IGSF11: variants seen among roughly 807,000 people sequenced by gnomAD.
IGSF11 encodes the protein CXADR like 1.
IGSF11 carries 22 observed loss-of-function variants against 41.0 expected under a neutral mutation model. That is an observed-to-expected ratio of 0.54 (90% CI 0.38 to 0.77). The LOEUF is 0.77. Among genes scored for constraint, IGSF11 ranks in the 30% least tolerant of loss-of-function variants. The probability of loss-of-function intolerance (pLI) is 0.00; values close to 1 mark genes in which losing one functional copy is unlikely to be tolerated. For missense variants in IGSF11, 444 were observed against 530.8 expected, an observed-to-expected ratio of 0.84 and a Z score of 1.61; for synonymous variants, 219 against 201.3, an observed-to-expected ratio of 1.09 and a Z score of -0.74.
intron 1 of IGSF11, among the ~76,000 whole-genome samples, chr3:118,952,525 C>CT (rs1944650302): frequency 6.6e-6 from 1 of 152,120 alleles, no homozygotes; most frequent in Non-Finnish European, 1.5e-5. Context: ...AAACCATTTT[C>CT]TTTGCTCATC....
intron 1 of IGSF11, among the ~76,000 whole-genome samples, chr3:118,970,539 C>T (rs1933269436): frequency 2.0e-5 from 3 of 151,928 alleles, no homozygotes; most frequent in African/African-American, 7.3e-5. Context: ...TATCAGAATC[C>T]TGGCATTATC....
chr3:119,030,712 G>A (rs1011459006), intron 1 of IGSF11, among the ~76,000 whole-genome samples: 3 of 152,148 alleles, frequency 2.0e-5, no homozygotes, highest in Admixed American at 6.5e-5. Context: ...ACAAAGTATG[G>A]TCAAGAGAAG....
chr3:118,963,791 G>T (rs1009358020), intron 1 of IGSF11, among the ~76,000 whole-genome samples: 4 of 152,062 alleles, frequency 2.6e-5, no homozygotes, highest in African/African-American at 9.7e-5. Flanking sequence ...GAGAGACAGA[G>T]AATCAATGTT....
In IGSF11 at chr3:118,900,821, A is replaced by C. The variant is rs1938761268; in HGVS notation, c.*1699T>G. On this transcript the variant is annotated 3_prime_UTR_variant, in exon 7 of 7. Coordinates refer to ENST00000393775, the MANE Select transcript of IGSF11 (RefSeq NM_001015887.3). ...AAGTAAGAACCATCAAATGGAAAAA[A>C]AAATAAGTAATGCTAAAGTAAATTC... The C allele has an allele frequency of 6.6e-6, 1 of 152,636 alleles. No homozygotes were observed. Among genetic ancestry groups the C allele is most frequent in the Admixed American group, 6.5e-5 (1 of 15,270 alleles). 9.5% of individuals were successfully genotyped at this position (152,636 alleles called of 1,614,324 possible).
intron 1 of IGSF11, among the ~76,000 whole-genome samples, chr3:119,015,441 T>G (rs577420812): frequency 2.0e-5 from 3 of 152,280 alleles, no homozygotes; most frequent in Admixed American, 2.0e-4. Flanking sequence ...GGACACGAAC[T>G]AAACTGAAAG....
chr3:119,104,456 A>T (rs1489757808), intron 1 of IGSF11, among the ~76,000 whole-genome samples: 1 of 152,122 alleles, frequency 6.6e-6, no homozygotes, highest in Non-Finnish European at 1.5e-5. Context: ...TCACTTCTTA[A>T]ATCTTAATAA....
At chr3:119,049,341 C>T (rs936952210) in intron 1 of IGSF11, among the ~76,000 whole-genome samples, 39 of 151,966 alleles carry the variant, frequency 2.6e-4, no homozygotes, top group Non-Finnish European at 5.0e-4. Flanking sequence ...ACAAGCATTC[C>T]TATACACCAA....
At chr3:118,965,852 A>C (rs1370334834) in intron 1 of IGSF11, among the ~76,000 whole-genome samples, 1 of 152,190 alleles carries the variant, frequency 6.6e-6, no homozygotes, top group African/African-American at 2.4e-5. Flanking sequence ...ATAGTAATAA[A>C]ATGTCATTTT....
chr3:118,936,693 A>G (rs1943309789), intron 1 of IGSF11, among the ~76,000 whole-genome samples: 1 of 152,174 alleles, frequency 6.6e-6, no homozygotes, highest in Non-Finnish European at 1.5e-5. Flanking sequence ...GTGCATGGTC[A>G]TATTTCCTCT....
At position 118,929,883 on chromosome 3, in the gene IGSF11, A is replaced by G. The variant is rs1392114942; in HGVS notation, c.216+229T>C. On this transcript the variant is annotated intron_variant, in intron 2 of 6. Transcript: ENST00000393775. ...GTTGTTGATAAAATTACAGGTTCCTACATAAACCTCTCAGAAGGATATTCT... is the reference window on the plus strand; with the variant it reads ...GTTGTTGATAAAATTACAGGTTCCTGCATAAACCTCTCAGAAGGATATTCT... Among the ~76,000 whole-genome samples the G allele has an allele frequency of 3.3e-5, 5 of 152,324 alleles. No homozygotes were observed. In the East Asian group the frequency reaches 7.7e-4, roughly 23 times the overall value.
At chr3:119,076,798 T>G (rs1395371943) in intron 1 of IGSF11, among the ~76,000 whole-genome samples, 1 of 69,144 alleles carries the variant, frequency 1.4e-5, no homozygotes. Flanking sequence ...ATAGGAACAC[T>G]TTTTTTTTTT....
intron 1 of IGSF11, among the ~76,000 whole-genome samples, chr3:119,044,698 T>C (rs1467038381): frequency 6.6e-6 from 1 of 152,198 alleles, no homozygotes; most frequent in Non-Finnish European, 1.5e-5. Context: ...GGAAAAGCTA[T>C]CAGACTAACA....
In IGSF11 at chr3:119,034,105, A is replaced by G. The variant is rs556021357; in HGVS notation, c.52+426T>C. On this transcript the variant is annotated intron_variant, in intron 1 of 6. Coordinates refer to ENST00000393775, the MANE Select transcript of IGSF11 (RefSeq NM_001015887.3). Reference sequence around the variant, plus strand: ...TATAGGCTTCTAAAAGGTTACGTTAAAGCTATAAAGTTTTCCAAATGATTT... The same window carrying G: ...TATAGGCTTCTAAAAGGTTACGTTAGAGCTATAAAGTTTTCCAAATGATTT... Among the ~76,000 whole-genome samples the G allele has an allele frequency of 7.4e-4, 112 of 152,376 alleles. 1 individual carries two copies. In the South Asian group the frequency reaches 0.022, roughly 30 times the overall value.
At chr3:119,051,825 A>T (rs1157098585) in intron 1 of IGSF11, among the ~76,000 whole-genome samples, 1 of 152,194 alleles carries the variant, frequency 6.6e-6, no homozygotes, top group Non-Finnish European at 1.5e-5. Flanking sequence ...TCCAAAAGGA[A>T]CCCTGAAAAC....
chr3:119,145,536 C>A (rs1038982938), intron 1 of IGSF11, among the ~76,000 whole-genome samples: 1 of 152,186 alleles, frequency 6.6e-6, no homozygotes, highest in Non-Finnish European at 1.5e-5. Context: ...CCTTCTAACT[C>A]GCCTCTCTGC....
upstream of IGSF11, chr3:119,034,880 C>G: frequency 4.3e-6 from 5 of 1,160,362 alleles, no homozygotes; most frequent in Non-Finnish European, 5.4e-6. Flanking sequence ...GGAGCCACTC[C>G]CCCCAACTCA....
In IGSF11 at chr3:119,054,954, C is replaced by T. The variant is rs192102862; in HGVS notation, c.49+50190G>A. 2.0e-4 allele frequency among the ~76,000 whole-genome samples: 30 copies of T among 152,226 alleles called. No homozygotes were observed. The South Asian group carries it at 3.5e-3, about 18-fold the overall frequency. ...AGTACGGGCGGACTGACACCTCACA[C>T]GGCCAGGTACTCCTCTGAGACAAAA... On this transcript the variant is annotated intron_variant, in intron 1 of 6. Transcript: ENST00000354673.
At chr3:119,102,560 A>G (rs968403660) in intron 1 of IGSF11, among the ~76,000 whole-genome samples, 7 of 152,224 alleles carry the variant, frequency 4.6e-5, no homozygotes, top group Non-Finnish European at 7.3e-5. Flanking sequence ...CCATACTTAT[A>G]TCCAAGACAT....
chr3:119,074,775 C>A (rs941810556), intron 1 of IGSF11, among the ~76,000 whole-genome samples: 1 of 152,038 alleles, frequency 6.6e-6, no homozygotes, highest in Non-Finnish European at 1.5e-5. Context: ...TGGCATGAAC[C>A]TGGGAGGCGG....
Sources: gnomAD v4.1 joint callset for allele counts (sites outside exome capture counted in the v4.1 genomes callset) on GRCh38, gnomAD v4.1.1 for gene constraint, MANE v1.5 for transcripts, NCBI Gene and HGNC (gene_info 2026-07-23, HGNC 2026-07-21) for gene names.